Variants in COL23A1 observed in about 807,000 individuals in gnomAD.
The protein encoded by COL23A1 is collagen type XXIII alpha 1 chain.
Under a neutral mutation model 99.3 loss-of-function variants are expected in COL23A1, and 97 were observed. The ratio of observed to expected loss-of-function variants is 0.98; its 90% CI spans 0.83 to 1.16. The LOEUF is 1.16. Ranked by LOEUF, COL23A1 falls within the 50% of genes most tolerant of loss-of-function variation. The pLI is 0.00. For missense variants in COL23A1, 762 were observed against 757.4 expected (o/e 1.01, Z -0.07); for synonymous variants, 320 against 308.2 (o/e 1.04, Z -0.40).
chr5:178,517,608 C>A (rs2203445), intron 2 of COL23A1, among the ~76,000 whole-genome samples: 2 of 127,178 alleles, frequency 1.6e-5, no homozygotes, highest in African/African-American at 6.0e-5. Context: ...GTCGCCCAGT[C>A]TGGAATGCAG....
intron 1 of COL23A1, chr5:178,561,997 G>C (rs1362547000): frequency 2.1e-6 from 1 of 471,126 alleles, no homozygotes; most frequent in East Asian, 5.7e-5. Context: ...CGCAGAGAGC[G>C]AAGCAGATCC....
chr5:178,427,878 G>T (rs1294210754), intron 2 of COL23A1, among the ~76,000 whole-genome samples: 1 of 152,194 alleles, frequency 6.6e-6, no homozygotes, highest in African/African-American at 2.4e-5. Flanking sequence ...TATAATGGTG[G>T]ATACATGTCA....
intron 2 of COL23A1, among the ~76,000 whole-genome samples, chr5:178,369,050 C>G (rs990486697): frequency 6.6e-6 from 1 of 152,198 alleles, no homozygotes; most frequent in Non-Finnish European, 1.5e-5. Flanking sequence ...TTGACCCAGC[C>G]AGAGGTGAGG....
rs1295510386 is a variant in COL23A1, at chr5:178,468,071, G to A, written c.361+92611C>T. Among the ~76,000 whole-genome samples the A allele has an allele frequency of 2.0e-5, 3 of 152,174 alleles. No individual in the cohort carries two copies. The highest frequency in any genetic ancestry group is 1.3e-4 in the Admixed American group (2 of 15,290). ...CGCATCACCTAACAGCCTCTGGGGCGGTGTGTTCCTTATGTTGGGAGTGGT... is the reference window on the plus strand; with the variant it reads ...CGCATCACCTAACAGCCTCTGGGGCAGTGTGTTCCTTATGTTGGGAGTGGT... On this transcript the variant is annotated intron_variant, in intron 2 of 28. Transcript: ENST00000390654. This position sits in a 1 kb window ranked among gnomAD's most constrained non-coding sequence, Gnocchi z 4.2.
At chr5:178,328,343 T>C (rs904209049) in intron 2 of COL23A1, among the ~76,000 whole-genome samples, 3 of 152,232 alleles carry the variant, frequency 2.0e-5, no homozygotes, top group African/African-American at 7.2e-5. Context: ...CTGATCCTCA[T>C]CCAAGGGGCC....
chr5:178,472,882 T>C (rs146749507), intron 2 of COL23A1, among the ~76,000 whole-genome samples: 2,762 of 152,264 alleles, frequency 0.018, 44 homozygotes, highest in Middle Eastern at 0.034. Context: ...CCCAACACTT[T>C]GGGAGGCTGA....
intron 9 of COL23A1, among the ~76,000 whole-genome samples, chr5:178,262,855 G>T (rs1035392240): frequency 2.6e-5 from 4 of 152,154 alleles, no homozygotes; most frequent in Non-Finnish European, 5.9e-5. Context: ...AGTCTGTAAG[G>T]TTCAGAGTTA....
chr5:178,575,732 C>T (rs937168994), intron 1 of COL23A1, among the ~76,000 whole-genome samples: 9 of 152,148 alleles, frequency 5.9e-5, no homozygotes, highest in African/African-American at 1.4e-4. Flanking sequence ...AGAAACAGAA[C>T]GCAGGACAGT....
intron 1 of COL23A1, among the ~76,000 whole-genome samples, chr5:178,585,027 C>T (rs553719977): frequency 4.7e-4 from 71 of 152,328 alleles, no homozygotes; most frequent in African/African-American, 1.7e-3. Context: ...CTGCAACCAA[C>T]GGGACTGTGC....
chr5:178,238,125 G>A lies in COL23A1; in HGVS notation c.*573C>T, dbSNP rs1375234991. 6.5e-6 allele frequency: 1 copy of A among 154,300 alleles called. No homozygotes were observed. Among genetic ancestry groups the A allele is most frequent in the Non-Finnish European group, 1.5e-5 (1 of 68,942 alleles). 9.6% of individuals were successfully genotyped at this position (154,300 alleles called of 1,614,324 possible). On this transcript the variant is annotated 3_prime_UTR_variant, in exon 29 of 29. Transcript: ENST00000390654. Reference sequence around the variant, plus strand: ...CCTGAGGCCTCCTGAATGTGGTAGAGCTAGACCCTCGTGGGGGATTTCCAC... The same window carrying A: ...CCTGAGGCCTCCTGAATGTGGTAGAACTAGACCCTCGTGGGGGATTTCCAC...
chr5:178,387,497 T>C lies in COL23A1; in HGVS notation c.362-80578A>G, dbSNP rs1763736064. On this transcript the variant is annotated intron_variant, in intron 2 of 28. Coordinates refer to ENST00000390654, the MANE Select transcript of COL23A1 (RefSeq NM_173465.4). This position sits in a 1 kb window ranked among gnomAD's most constrained non-coding sequence, Gnocchi z 4.7. ...GCTCAGAGCACCCCTGCCCATGAGC[T>C]CTCCTGGCAGGGTCGGGAACTGCCT... Among the ~76,000 whole-genome samples, 1 of 152,052 alleles carries C rather than the reference T, an allele frequency of 6.6e-6. No individual in the cohort carries two copies. Among genetic ancestry groups the C allele is most frequent in the African/African-American group, 2.4e-5 (1 of 41,392 alleles).
At chr5:178,482,294 G>A (rs1476499606) in intron 2 of COL23A1, among the ~76,000 whole-genome samples, 1 of 152,102 alleles carries the variant, frequency 6.6e-6, no homozygotes, top group Non-Finnish European at 1.5e-5. Flanking sequence ...TCTGATACAT[G>A]CTACTAGATA....
intron 2 of COL23A1, among the ~76,000 whole-genome samples, chr5:178,358,706 T>C (rs111759104): frequency 6.8e-6 from 1 of 147,624 alleles, no homozygotes; most frequent in Non-Finnish European, 1.5e-5. Context: ...TATGTGTATG[T>C]GTGTATGTGT....
At chr5:178,452,840 GATA>G (rs954584056) in intron 2 of COL23A1, among the ~76,000 whole-genome samples, 3 of 152,174 alleles carry the variant, frequency 2.0e-5, no homozygotes, top group African/African-American at 7.2e-5. Flanking sequence ...ATAGAACCTT[GATA>G]ATAAACAATT....
At chr5:178,498,622 T>A (rs999370917) in intron 2 of COL23A1, among the ~76,000 whole-genome samples, 1 of 152,060 alleles carries the variant, frequency 6.6e-6, no homozygotes, top group African/African-American at 2.4e-5. Flanking sequence ...AGTGAGACAA[T>A]TGGAAATATT....
Position 178,485,752 on chromosome 5 carries a change from AGCCTG to A in COL23A1, c.361+74925_361+74929del, listed in dbSNP as rs1196702241. ...AGCCGAGATCACACCATTGCACTCC[AGCCTG>A]GGTGACAGAGTGACTCCATCTCAAA... On this transcript the variant is annotated intron_variant, in intron 2 of 28. Coordinates refer to ENST00000390654, the MANE Select transcript of COL23A1 (RefSeq NM_173465.4). Among the ~76,000 whole-genome samples the A allele has an allele frequency of 2.8e-5, 4 of 143,292 alleles. No individual in the cohort carries two copies. The East Asian group carries it at 8.5e-4, about 30-fold the overall frequency. 94.0% of individuals were successfully genotyped at this position (143,292 alleles called of 152,430 possible).
At chr5:178,285,731 C>T (rs940805590) in intron 5 of COL23A1, among the ~76,000 whole-genome samples, 14 of 152,200 alleles carry the variant, frequency 9.2e-5, no homozygotes, top group African/African-American at 2.2e-4. Context: ...GAGGGGCCTC[C>T]GAGGTGGCCC....
At position 178,252,562 on chromosome 5, in the gene COL23A1, T is replaced by A; in HGVS notation, c.996A>T (p.Pro332=). 1 of 1,611,970 alleles carries A rather than the reference T, an allele frequency of 6.2e-7. No homozygotes were observed. The highest frequency in any genetic ancestry group is 8.5e-7 in the Non-Finnish European group (1 of 1,179,202). The change falls in exon 17 of 29, where the codon CCA becomes CCT. Residue 332 remains proline, a synonymous_variant. Transcript: ENST00000390654. ...PPGPQGPPGP[P]GIPGAKGELG... is the part of the protein sequence containing the mutation. ...CACTGACCTTGGCTCCAGGGATCCCTGGTGGCCCTGGGGGCCCCTGTGGTC... is the reference window on the plus strand; with the variant it reads ...CACTGACCTTGGCTCCAGGGATCCCAGGTGGCCCTGGGGGCCCCTGTGGTC...
chr5:178,371,448 G>C (rs951149013), intron 2 of COL23A1, among the ~76,000 whole-genome samples: 4 of 152,258 alleles, frequency 2.6e-5, no homozygotes, highest in Non-Finnish European at 2.9e-5. Context: ...TGGGCCTCGC[G>C]GGCTTGGTTC....
Sources: gnomAD v4.1 joint callset for allele counts (sites outside exome capture counted in the v4.1 genomes callset) on GRCh38, gnomAD v4.1.1 for gene constraint, Gnocchi (gnomAD v3.1) non-coding constraint, MANE v1.5 for transcripts, NCBI Gene and HGNC (gene_info 2026-07-23, HGNC 2026-07-21) for gene names.